The following IL4I1 variants were observed in gnomAD, a reference collection of about 807,000 sequenced individuals.
IL4I1 encodes L-amino-acid oxidase.
Under a neutral mutation model 29.7 loss-of-function variants are expected in IL4I1, and 24 were observed. The observed-to-expected ratio is 0.81, with a 90% CI of 0.59 to 1.14. The LOEUF is 1.14. Ranked by LOEUF, IL4I1 falls within the 50% of genes most tolerant of loss-of-function variation. IL4I1 has a pLI of 0.00. For missense variants in IL4I1, 686 were observed against 785.6 expected, an observed-to-expected ratio of 0.87 and a Z score of 1.52; for synonymous variants, 371 against 352.5, an observed-to-expected ratio of 1.05 and a Z score of -0.59.
At chr19:49,908,496 C>G in intron 2 of IL4I1, 2 of 1,614,152 alleles carry the variant, frequency 1.2e-6, no homozygotes, top group Non-Finnish European at 1.7e-6. Flanking sequence ...TCGATGTTCT[C>G]AGCCAGCTTG....
chr19:49,909,632 A>G, intron 2 of IL4I1: 1 of 1,614,186 alleles, frequency 6.2e-7, no homozygotes, highest in Non-Finnish European at 8.5e-7. Context: ...AAGTGAGAAC[A>G]GGCCGGTGGA....
Position 49,896,134 on chromosome 19 carries a change from C to T in IL4I1, c.13+14G>A, listed in dbSNP as rs766502750. 2.6e-6 allele frequency: 4 copies of T among 1,559,038 alleles called. No individual in the cohort carries two copies. The stretch of plus-strand genomic sequence containing the variant: ...CTACTCACTTGTTCCAGAGCCCCTC[C>T]CCTGCTTACTCACCCAATGGGGCCA... On this transcript the variant is annotated intron_variant, in intron 2 of 7. Transcript: ENST00000391826.
chr19:49,919,834 A>C (rs1287660066), intron 2 of IL4I1, among the ~76,000 whole-genome samples: 1 of 151,870 alleles, frequency 6.6e-6, no homozygotes, highest in African/African-American at 2.4e-5. Context: ...TTTGAGGAAT[A>C]CTCTGGTGCC....
upstream of IL4I1, among the ~76,000 whole-genome samples, chr19:49,897,703 C>T (rs368298687): frequency 2.1e-4 from 31 of 147,228 alleles, no homozygotes; most frequent in South Asian, 2.2e-4. Flanking sequence ...GGGAGTGGGG[C>T]GGCACCTTGG....
rs113222331 is a variant in IL4I1 at position 49,909,104 on chromosome 19, G to C, written c.-227-4783C>G. On this transcript the variant is annotated intron_variant, in intron 2 of 9. Transcript: ENST00000341114. ...CACAGGGGTACAGAGGGAGAGTCCA[G>C]TGGTGGCAGATGAGGTTGGAGCAGT... 366 of 1,612,358 alleles carry C rather than the reference G, an allele frequency of 2.3e-4. No individual in the cohort carries two copies. The highest frequency in any genetic ancestry group is 3.0e-4 in the Non-Finnish European group (353 of 1,180,042).
intron 4 of IL4I1, 66 bp downstream of exon 4, chr19:49,895,002 G>T: frequency 8.2e-7 from 1 of 1,225,292 alleles, no homozygotes; most frequent in Non-Finnish European, 1.2e-6. Context: ...GGCCCACTCT[G>T]GTGTGGGCAT....
Position 49,924,536 on chromosome 19 carries a change from C to T in IL4I1, c.-228+3158G>A, listed in dbSNP as rs980427609. 1.4e-4 allele frequency among the ~76,000 whole-genome samples: 22 copies of T among 152,158 alleles called. 1 individual carries two copies. Among genetic ancestry groups the T allele is most frequent in the African/African-American group, 2.4e-5 (1 of 41,440 alleles). ...CTCCCCAAGCCAGGCCCCTCCGCAC[C>T]GAAAAAGAGTCCCCAGTAGCCCCAC... On this transcript the variant is annotated intron_variant, in intron 2 of 9. Transcript: ENST00000341114.
At chr19:49,914,174 A>G (rs1263713110) in intron 2 of IL4I1, among the ~76,000 whole-genome samples, 1 of 152,220 alleles carries the variant, frequency 6.6e-6, no homozygotes, top group Non-Finnish European at 1.5e-5. Flanking sequence ...ACAAAAAGCC[A>G]CAAATACTAG....
intron 2 of IL4I1, among the ~76,000 whole-genome samples, chr19:49,915,581 C>A (rs753417515): frequency 1.3e-5 from 2 of 152,226 alleles, no homozygotes; most frequent in African/African-American, 2.4e-5. Flanking sequence ...CTTGTTACAG[C>A]AGCCACTAGA....
At chr19:49,901,613 C>T (rs759731189), upstream of IL4I1, 16 of 1,463,180 alleles carry the variant, frequency 1.1e-5, 1 homozygote, top group South Asian at 2.2e-4. Context: ...CCAGAACATC[C>T]CAGGGCCCCG....
At chr19:49,907,304 G>A (rs890361510) in intron 2 of IL4I1, 1 of 307,452 alleles carries the variant, frequency 3.3e-6, no homozygotes, top group Non-Finnish European at 6.3e-6. Flanking sequence ...GAGGAGGTGA[G>A]GCCCAAGGTG....
chr19:49,918,905 G>T (rs1381640840), intron 2 of IL4I1, among the ~76,000 whole-genome samples: 3 of 147,662 alleles, frequency 2.0e-5, no homozygotes, highest in Non-Finnish European at 4.5e-5. Flanking sequence ...TGGGGGGGGG[G>T]GGGCGGGGTG....
intron 2 of IL4I1, among the ~76,000 whole-genome samples, chr19:49,920,186 T>C (rs1239204844): frequency 6.6e-6 from 1 of 151,980 alleles, no homozygotes; most frequent in East Asian, 1.9e-4. Flanking sequence ...GGGTTCAAGC[T>C]ATTCTCCTGC....
rs947199221 is a variant in IL4I1, at chr19:49,921,243, C to A, written c.-228+6451G>T. Reference sequence around the variant, plus strand: ...CTGAGAAAGGGGAGAGGACTTCAGTCACCTGCGTAAAGTCCCACAACCAGT... The same window carrying A: ...CTGAGAAAGGGGAGAGGACTTCAGTAACCTGCGTAAAGTCCCACAACCAGT... On this transcript the variant is annotated intron_variant, in intron 2 of 9. Transcript: ENST00000341114. This position sits in a 1 kb window ranked among gnomAD's most constrained non-coding sequence, Gnocchi z 5.4. Among the ~76,000 whole-genome samples, 4 of 152,174 alleles carry A rather than the reference C, an allele frequency of 2.6e-5. No homozygotes were observed. The highest frequency in any genetic ancestry group is 4.4e-5 in the Non-Finnish European group (3 of 68,028).
Position 49,889,898 on chromosome 19 carries a change from C to T in IL4I1, c.1476G>A (p.Thr492=), listed in dbSNP as rs750725138. ...HTAYPHGWVE[T]AVKSALRAAI... is the part of the protein sequence containing the mutation. The stretch of plus-strand genomic sequence containing the variant: ...CGGCGCGCAGCGCCGACTTGACCGC[C>T]GTCTCCACCCAGCCGTGCGGGTAGG... The change falls in exon 8 of 8, where the codon ACG becomes ACA. Residue 492 remains threonine, a synonymous_variant. Transcript: ENST00000391826. The T allele has an allele frequency of 8.1e-6, 13 of 1,607,836 alleles. No individual in the cohort carries two copies. Among genetic ancestry groups the T allele is most frequent in the East Asian group, 4.5e-5 (2 of 44,716 alleles).
At chr19:49,923,282 CT>C (rs1370656597) in intron 2 of IL4I1, among the ~76,000 whole-genome samples, 1 of 152,198 alleles carries the variant, frequency 6.6e-6, no homozygotes, top group Non-Finnish European at 1.5e-5. Flanking sequence ...CACCCCTGGC[CT>C]GCGTGACCCA....
chr19:49,889,843 C>CA lies in IL4I1; in HGVS notation c.1530dup (p.Ala511CysfsTer13). ...CCCTCGGGGCTGGCCGTGTCCGATG[C>CA]AGGCCCCTTCCGGCTGTTGATCTTG... On this transcript the variant is annotated frameshift_variant, in exon 8 of 8. Coordinates refer to ENST00000391826, the MANE Select transcript of IL4I1 (RefSeq NM_152899.2). LOFTEE classifies it low-confidence loss of function (END_TRUNC). 6.3e-7 allele frequency: 1 copy of CA among 1,585,178 alleles called. No homozygotes were observed. Among genetic ancestry groups the CA allele is most frequent in the Non-Finnish European group, 8.6e-7 (1 of 1,165,082 alleles).
rs755569462 is a variant in IL4I1, at chr19:49,921,059, G to C, written c.-228+6635C>G. Among the ~76,000 whole-genome samples, 42 of 152,150 alleles carry C rather than the reference G, an allele frequency of 2.8e-4. No homozygotes were observed. The highest frequency in any genetic ancestry group is 4.7e-4 in the Non-Finnish European group (32 of 68,030). On this transcript the variant is annotated intron_variant, in intron 2 of 9. Transcript: ENST00000341114. This position sits in a 1 kb window ranked among gnomAD's most constrained non-coding sequence, Gnocchi z 5.4. Reference sequence around the variant, plus strand: ...ATTATGAGAACTGGAAGCAAACACAGCCCCTTCCTGCCTCGGCGGACATCT... The same window carrying C: ...ATTATGAGAACTGGAAGCAAACACACCCCCTTCCTGCCTCGGCGGACATCT...
intron 5 of IL4I1, among the ~76,000 whole-genome samples, 163 bp downstream of exon 5, chr19:49,894,105 T>C (rs2075173606): frequency 6.6e-6 from 1 of 150,598 alleles, no homozygotes; most frequent in African/African-American, 2.4e-5. Context: ...TGGTTAGACC[T>C]CATGGCACAC....
Sources: allele counts gnomAD v4.1 joint callset (sites outside exome capture counted in the v4.1 genomes callset), GRCh38; gene constraint gnomAD v4.1.1; non-coding constraint Gnocchi (gnomAD v3.1); transcripts MANE v1.5; gene names NCBI Gene and HGNC (gene_info 2026-07-23, HGNC 2026-07-21).